ANKRD13A: variants seen among roughly 807,000 people sequenced by gnomAD.
ANKRD13A encodes the protein ankyrin repeat domain-containing protein 13A.
ANKRD13A carries 48 observed loss-of-function variants against 81.3 expected under a neutral mutation model. The ratio of observed to expected loss-of-function variants is 0.59; its 90% CI spans 0.47 to 0.75. The LOEUF (loss-of-function observed/expected upper bound fraction) is 0.75. Among genes scored for constraint, ANKRD13A ranks in the 30% least tolerant of loss-of-function variants. The pLI, the probability that ANKRD13A is intolerant of heterozygous loss-of-function variation, is 0.00. For synonymous variants in ANKRD13A, 230 were observed against 270.1 expected, an observed-to-expected ratio of 0.85 and a Z score of 1.45; for missense variants, 612 against 734.0, an observed-to-expected ratio of 0.83 and a Z score of 1.92.
chr12:110,016,280 CTTT>C (rs74731825), intron 3 of ANKRD13A, 105 bp from the exon 4 acceptor site: 2,317 of 661,606 alleles, frequency 3.5e-3, no homozygotes, highest in South Asian at 6.2e-3. Flanking sequence ...CTTATTTTCT[CTTT>C]TTTTTTTTTT....
At chr12:110,006,537 A>G (rs1197423270) in intron 1 of ANKRD13A, among the ~76,000 whole-genome samples, 1 of 152,016 alleles carries the variant, frequency 6.6e-6, no homozygotes, top group Non-Finnish European at 1.5e-5. Flanking sequence ...TTCTTTGCAT[A>G]TTCTGGATAG....
chr12:110,016,345 A>T, intron 3 of ANKRD13A, 43 bp from the exon 4 acceptor site: 2 of 1,469,190 alleles, frequency 1.4e-6, no homozygotes, highest in Non-Finnish European at 1.8e-6. Context: ...TTGTGTTGAT[A>T]GTGCCAAGGG....
At chr12:110,025,673 C>T in intron 7 of ANKRD13A, 69 bp from the exon 8 acceptor site, 1 of 1,206,434 alleles carries the variant, frequency 8.3e-7, no homozygotes, top group Non-Finnish European at 1.2e-6. Flanking sequence ...AGCATTCTTG[C>T]TTTTGCTGTG....
chr12:110,038,373 A>C lies in ANKRD13A; in HGVS notation c.*819A>C, dbSNP rs1470883966. 6.6e-6 allele frequency: 1 copy of C among 152,646 alleles called. No individual in the cohort carries two copies. The highest frequency in any genetic ancestry group is 1.5e-5 in the Non-Finnish European group (1 of 68,042). 9.5% of individuals were successfully genotyped at this position (152,646 alleles called of 1,614,324 possible). On this transcript the variant is annotated 3_prime_UTR_variant, in exon 15 of 15. Transcript: ENST00000261739. ...CTGAAGGAGCAGCTAGGGGAACCTG[A>C]GGCTTGTTCTTGAAGTGGGCAAGCT... is the stretch of plus-strand genomic sequence containing the variant.
At chr12:110,027,536 C>A in intron 8 of ANKRD13A, 169 bp from the exon 9 acceptor site, 1 of 641,232 alleles carries the variant, frequency 1.6e-6, no homozygotes. Context: ...ATGAAAAGCA[C>A]CCTATAAAGG....
chr12:110,030,601 T>G, intron 11 of ANKRD13A, 44 bp from the exon 12 acceptor site: 1 of 1,167,786 alleles, frequency 8.6e-7, no homozygotes, highest in Non-Finnish European at 1.2e-6. Flanking sequence ...TTATTGTTAT[T>G]CTCAGTAAAG....
chr12:110,012,490 G>A (rs1382329082), intron 2 of ANKRD13A, among the ~76,000 whole-genome samples: 1 of 152,166 alleles, frequency 6.6e-6, no homozygotes. Flanking sequence ...ACAAGGAAAT[G>A]GGAGCCCAGG....
chr12:110,016,280 C>CT (rs74731825), intron 3 of ANKRD13A, 108 bp from the exon 4 acceptor site: 17,246 of 663,864 alleles, frequency 0.026, no homozygotes, highest in Non-Finnish European at 0.029. Context: ...CTTATTTTCT[C>CT]TTTTTTTTTT....
intron 1 of ANKRD13A, among the ~76,000 whole-genome samples, chr12:110,008,340 A>G (rs183565372): frequency 1.8e-3 from 271 of 152,328 alleles, no homozygotes; most frequent in African/African-American, 6.4e-3. Flanking sequence ...TATTTGTAGG[A>G]TAAGTCTCAG....
chr12:110,029,800 G>A (rs1185927238), intron 11 of ANKRD13A, among the ~76,000 whole-genome samples, 165 bp downstream of exon 11: 1 of 152,184 alleles, frequency 6.6e-6, no homozygotes, highest in African/African-American at 2.4e-5. Flanking sequence ...ATTTAAAGAA[G>A]TGTTATGATT....
intron 7 of ANKRD13A, among the ~76,000 whole-genome samples, chr12:110,025,340 A>G (rs1891264110): frequency 6.7e-6 from 1 of 148,820 alleles, no homozygotes. Context: ...TGGGCAACAG[A>G]GGGAGACTCT....
Position 110,021,264 on chromosome 12 carries a change from C to T in ANKRD13A, c.734+1936C>T, listed in dbSNP as rs143480702. 128 of 374,224 alleles carry T rather than the reference C, an allele frequency of 3.4e-4. 1 individual carries two copies. The East Asian group carries it at 6.9e-3, about 20-fold the overall frequency. The allele number at this position is 374,224 out of a possible 1,614,324, so 23.2% of individuals were successfully genotyped here. On this transcript the variant is annotated intron_variant, in intron 6 of 14. Coordinates refer to ENST00000261739, the MANE Select transcript of ANKRD13A (RefSeq NM_033121.2). The stretch of plus-strand genomic sequence containing the variant: ...ATTGAGCCACTCCTTAGGATTGATA[C>T]CAGCTACGAAAAGAATATAGCTGCT...
chr12:110,021,079 A>C (rs1466553782), intron 6 of ANKRD13A: 1 of 456,030 alleles, frequency 2.2e-6, no homozygotes, highest in Non-Finnish European at 4.4e-6. Context: ...CCGAGGACTA[A>C]GGCACATTTT....
In ANKRD13A at chr12:110,025,745, T is replaced by C. The variant is rs1270406584; in HGVS notation, c.805T>C (p.Tyr269His). 6.2e-7 allele frequency: 1 copy of C among 1,611,428 alleles called. No individual in the cohort carries two copies. Among genetic ancestry groups the C allele is most frequent in the Non-Finnish European group, 8.5e-7 (1 of 1,178,822 alleles). Residue 269 changes from tyrosine (Y) to histidine (H), a missense_variant, in exon 8 of 15, where the codon TAC (tyrosine) becomes CAC (histidine). Transcript: ENST00000261739. ...TTCTTTCGCATACACCTCTCAGGTT[T>C]ACACAGTAAACAATGTGAATGTGAT... ...EVVNGYEAKV[Y>H]TVNNVNVITK...
At position 110,014,789 on chromosome 12, in the gene ANKRD13A, C is replaced by CTTTTTTTTTTTTTTT. The variant is rs761398140; in HGVS notation, c.354+1552_354+1553insTTTTTTTTTTTTTTT. Among the ~76,000 whole-genome samples the CTTTTTTTTTTTTTTT allele has an allele frequency of 6.9e-3, 935 of 135,286 alleles. 54 individuals carry two copies. Among genetic ancestry groups the CTTTTTTTTTTTTTTT allele is most frequent in the African/African-American group, 0.018 (575 of 32,214 alleles). The allele number at this position is 135,286 out of a possible 152,430, so 88.8% of individuals were successfully genotyped here. A position where few individuals can be genotyped will look rare whatever the true frequency, so the allele number is the denominator to read the frequency against. On this transcript the variant is annotated intron_variant, in intron 3 of 14. Transcript: ENST00000261739. Reference sequence around the variant, plus strand: ...ACCTGGAATTTCTAGCATTTCTCTTCTTTTTTTTTTTTGAGACGGAATCTC... The same window carrying CTTTTTTTTTTTTTTT: ...ACCTGGAATTTCTAGCATTTCTCTTCTTTTTTTTTTTTTTTTTTTTTTTTTTTGAGACGGAATCTC...
intron 9 of ANKRD13A, 165 bp downstream of exon 9, chr12:110,027,931 G>GA (rs1165098194): frequency 7.9e-6 from 5 of 632,106 alleles, no homozygotes; most frequent in Non-Finnish European, 1.4e-5. Context: ...TTAGATGAGT[G>GA]ACTCTTTGAA....
In ANKRD13A at chr12:110,024,025, G is replaced by T. The variant is rs201518434; in HGVS notation, c.735-21G>T. On this transcript the variant is annotated intron_variant, in intron 6 of 14. Coordinates refer to ENST00000261739, the MANE Select transcript of ANKRD13A (RefSeq NM_033121.2). ...TGGCATATTGTACATGTAGAAATTT[G>T]TGGTGTTCACTTTTTATCAGAACTA... 3 of 1,610,538 alleles carry T rather than the reference G, an allele frequency of 1.9e-6. No individual in the cohort carries two copies. The East Asian group carries it at 6.7e-5, about 36-fold the overall frequency.
intron 1 of ANKRD13A, among the ~76,000 whole-genome samples, chr12:110,010,625 G>A (rs1446474636): frequency 6.6e-6 from 1 of 152,192 alleles, no homozygotes; most frequent in African/African-American, 2.4e-5. Context: ...GAGACAGGAA[G>A]GTATTTTAGC....
chr12:110,005,538 C>G (rs999709654), intron 1 of ANKRD13A, among the ~76,000 whole-genome samples: 2 of 152,208 alleles, frequency 1.3e-5, no homozygotes, highest in African/African-American at 4.8e-5. Flanking sequence ...CTTCCTGTCT[C>G]TAGATTTGCC....
Sources: gnomAD v4.1 joint callset for allele counts (sites outside exome capture counted in the v4.1 genomes callset) on GRCh38, gnomAD v4.1.1 for gene constraint, MANE v1.5 for transcripts, NCBI Gene and HGNC (gene_info 2026-07-23, HGNC 2026-07-21) for gene names.